Variants in PRDM11 observed in about 807,000 individuals in gnomAD.
The protein encoded by PRDM11 is PR domain-containing protein 11.
A neutral mutation model predicts 97.8 loss-of-function variants in PRDM11; 20 were observed. The observed-to-expected ratio is 0.20, with a 90% CI of 0.14 to 0.30. The LOEUF is 0.30. PRDM11 is among the 10% of genes least tolerant of loss of function. PRDM11 has a pLI of 1.00. For synonymous variants in PRDM11, 599 were observed against 637.7 expected, an observed-to-expected ratio of 0.94 and a Z score of 0.91; for missense variants, 1,139 against 1,555.2, an observed-to-expected ratio of 0.73 and a Z score of 4.50.
intron 1 of PRDM11, among the ~76,000 whole-genome samples, chr11:45,157,059 A>T (rs1382601099): frequency 6.6e-6 from 1 of 151,854 alleles, no homozygotes; most frequent in East Asian, 1.9e-4. Flanking sequence ...GGCACGGGGG[A>T]GCTGTCGGTG....
chr11:45,167,627 T>C (rs1852095683), intron 1 of PRDM11, among the ~76,000 whole-genome samples: 1 of 152,126 alleles, frequency 6.6e-6, no homozygotes, highest in African/African-American at 2.4e-5. Context: ...CTTGACCAAC[T>C]TAATTACCTA....
chr11:45,094,464 G>T (rs1420254363), upstream of PRDM11, among the ~76,000 whole-genome samples: 1 of 151,796 alleles, frequency 6.6e-6, no homozygotes, highest in Non-Finnish European at 1.5e-5. Context: ...GAGAGAGCAG[G>T]AGAAGGAAGT....
intron 1 of PRDM11, among the ~76,000 whole-genome samples, chr11:45,126,901 A>G (rs1190958522): frequency 1.3e-5 from 2 of 152,148 alleles, no homozygotes; most frequent in Non-Finnish European, 2.9e-5. Flanking sequence ...TAGATTGGGG[A>G]AGTTCTCCTG....
chr11:45,130,615 G>A (rs1852696283), intron 1 of PRDM11, among the ~76,000 whole-genome samples: 1 of 152,190 alleles, frequency 6.6e-6, no homozygotes, highest in Non-Finnish European at 1.5e-5. Flanking sequence ...TTTTGAGAGT[G>A]TAAATTGATA....
chr11:45,159,119 C>T (rs1238254179), intron 1 of PRDM11, among the ~76,000 whole-genome samples: 3 of 152,230 alleles, frequency 2.0e-5, no homozygotes, highest in Admixed American at 1.3e-4. Context: ...CTCCCTGGCA[C>T]CTGCCAGTGG....
intron 1 of PRDM11, among the ~76,000 whole-genome samples, chr11:45,115,542 A>C (rs1852281718): frequency 6.6e-6 from 1 of 152,164 alleles, no homozygotes. Context: ...AGAAAGAACC[A>C]ATTGTGTTCT....
rs1202190787 is a variant in PRDM11 at position 45,226,067 on chromosome 11, C to A, written c.1442C>A (p.Ser481Tyr). ...DDQEVDSADE[S>Y]VSNDMMTATD... ...CAGGAAGTCGATTCAGCAGATGAATCTGTCTCCAATGATATGATGACAGCG... is the reference window on the plus strand; with the variant it reads ...CAGGAAGTCGATTCAGCAGATGAATATGTCTCCAATGATATGATGACAGCG... The change falls in exon 8 of 8, where the codon TCT becomes TAT. Residue 481 changes from serine to tyrosine, a missense_variant. Coordinates refer to ENST00000683152, the MANE Select transcript of PRDM11 (RefSeq NM_001384648.1). 18 of 1,520,672 alleles carry A rather than the reference C, an allele frequency of 1.2e-5. No homozygotes were observed. Among genetic ancestry groups the A allele is most frequent in the Non-Finnish European group, 1.6e-5 (18 of 1,135,438 alleles). The allele number at this position is 1,520,672 out of a possible 1,614,324, so 94.2% of individuals were successfully genotyped here. A position where few individuals can be genotyped will look rare whatever the true frequency, so the allele number is the denominator to read the frequency against.
chr11:45,105,849 G>T (rs1321500686), intron 1 of PRDM11, among the ~76,000 whole-genome samples: 1 of 152,212 alleles, frequency 6.6e-6, no homozygotes, highest in Admixed American at 6.5e-5. Flanking sequence ...CCTACAAAGT[G>T]CTTGGTGCTA....
chr11:45,209,797 C>A (rs767361884), intron 5 of PRDM11, among the ~76,000 whole-genome samples: 1 of 152,166 alleles, frequency 6.6e-6, no homozygotes, highest in African/African-American at 2.4e-5. Flanking sequence ...GCATTTGACC[C>A]TGCAGGTTAT....
At chr11:45,159,942 C>T (rs1851890798) in intron 1 of PRDM11, among the ~76,000 whole-genome samples, 1 of 152,170 alleles carries the variant, frequency 6.6e-6, no homozygotes, top group Non-Finnish European at 1.5e-5. Flanking sequence ...ATGGCTGGGG[C>T]AAGGTAGACT....
intron 1 of PRDM11, among the ~76,000 whole-genome samples, chr11:45,164,620 G>A (rs1006343762): frequency 2.6e-5 from 4 of 152,218 alleles, no homozygotes; most frequent in African/African-American, 4.8e-5. Context: ...ATGTCCCTGT[G>A]CCTTTGGGTT....
intron 1 of PRDM11, among the ~76,000 whole-genome samples, chr11:45,161,031 C>T (rs1851915133): frequency 1.3e-5 from 2 of 152,126 alleles, no homozygotes; most frequent in East Asian, 1.9e-4. Context: ...GTCATAATGC[C>T]GCAGTTCAAA....
At chr11:45,172,506 C>G (rs1852225440) in intron 1 of PRDM11, among the ~76,000 whole-genome samples, 1 of 152,142 alleles carries the variant, frequency 6.6e-6, no homozygotes, top group African/African-American at 2.4e-5. Context: ...AAAGACACTC[C>G]TATAACCCAG....
intron 1 of PRDM11, among the ~76,000 whole-genome samples, chr11:45,127,009 C>T (rs1852590897): frequency 6.6e-6 from 1 of 152,180 alleles, no homozygotes; most frequent in African/African-American, 2.4e-5. Flanking sequence ...CACATAGTCC[C>T]ATATTTCTTG....
At chr11:45,136,520 G>C (rs911881285) in intron 1 of PRDM11, among the ~76,000 whole-genome samples, 3 of 152,178 alleles carry the variant, frequency 2.0e-5, no homozygotes, top group African/African-American at 7.2e-5. Context: ...TAGTAGAGAA[G>C]ATGGAATCAA....
intron 4 of PRDM11, among the ~76,000 whole-genome samples, chr11:45,196,773 AAAG>A (rs1299144513): frequency 2.0e-5 from 3 of 152,194 alleles, no homozygotes; most frequent in Non-Finnish European, 4.4e-5. Flanking sequence ...TACAGGCAGA[AAAG>A]AAGGACTTGT....
intron 1 of PRDM11, chr11:45,147,334 C>T (rs1169244166): frequency 2.0e-5 from 3 of 151,666 alleles, no homozygotes; most frequent in African/African-American, 7.3e-5. Context: ...TCGCCGCGGC[C>T]GCCGGCCTAG....
chr11:45,128,145 G>A lies in PRDM11; in HGVS notation c.96+32244G>A, dbSNP rs113600225. 2.6e-5 allele frequency among the ~76,000 whole-genome samples: 4 copies of A among 152,310 alleles called. No homozygotes were observed. The South Asian group carries it at 6.2e-4, about 24-fold the overall frequency. On this transcript the variant is annotated intron_variant, in intron 1 of 6. Transcript: ENST00000530656. ...AGACTCTGTGGGCGTAGGACCCTCC[G>A]AGCCATGTGCAGGATATAATCTCCT...
At chr11:45,181,104 G>T (rs1323671511) in intron 1 of PRDM11, among the ~76,000 whole-genome samples, 1 of 152,212 alleles carries the variant, frequency 6.6e-6, no homozygotes, top group African/African-American at 2.4e-5. Flanking sequence ...GTGTCCCCGG[G>T]CTTGGCATGA....
Sources: gnomAD v4.1 joint callset for allele counts (sites outside exome capture counted in the v4.1 genomes callset) on GRCh38, gnomAD v4.1.1 for gene constraint, MANE v1.5 for transcripts, NCBI Gene and HGNC (gene_info 2026-07-23, HGNC 2026-07-21) for gene names.